The following DEPDC5 variants were observed in gnomAD, a reference collection of about 807,000 sequenced individuals.
DEPDC5 encodes GATOR1 complex protein DEPDC5.
A neutral mutation model predicts 217.3 loss-of-function variants in DEPDC5; 73 were observed. The ratio of observed to expected loss-of-function variants is 0.34; its 90% confidence interval spans 0.28 to 0.41. DEPDC5 has a LOEUF of 0.41. Ranked by LOEUF, DEPDC5 falls within the 10% of genes least tolerant of loss-of-function variation. The pLI is 1.00. For missense variants in DEPDC5, 1,675 were observed against 2,070.1 expected (o/e 0.81, Z 3.70); for synonymous variants, 733 against 756.7 (o/e 0.97, Z 0.51).
At position 31,906,280 on chromosome 22, in the gene DEPDC5, G is replaced by A; in HGVS notation, c.4595G>A (p.Ser1532Asn). The change falls in exon 43 of 43, where the codon AGC (serine) becomes AAC (asparagine). Residue 1532 changes from serine (S) to asparagine (N), a missense_variant. Physicochemically the swap from Ser to Asn is conservative, Grantham distance 46 (BLOSUM62 1). This residue lies in a region of DEPDC5 where 42 missense variants were observed against 27.7 expected (regional missense o/e 1.51). Coordinates refer to ENST00000651528, the MANE Select transcript of DEPDC5 (RefSeq NM_001242896.3). This position sits in a 1 kb window ranked among gnomAD's most constrained non-coding sequence, Gnocchi z 5.1. ...CAGCGGCGGCGGCGGAACTCCACCA[G>A]CTCCACCAACCAGAACATGTTCTGC... ...GQQRRRRNST[S>N]STNQNMFCEE... 2.5e-6 allele frequency: 4 copies of A among 1,613,902 alleles called. No homozygotes were observed. The highest frequency in any genetic ancestry group is 3.4e-6 in the Non-Finnish European group (4 of 1,179,930).
In DEPDC5 at chr22:31,821,639, T is replaced by G. The variant is rs1002365621; in HGVS notation, c.2006+2T>G. The G allele has an allele frequency of 1.9e-6, 3 of 1,612,704 alleles. No individual in the cohort carries two copies. Among genetic ancestry groups the G allele is most frequent in the Admixed American group, 3.3e-5 (2 of 59,942 alleles). ...AGCATATCATGAAGCTGCTGGAAGG[T>G]GAGGATGTGCACAGGGCTCTGGAAG... On this transcript the variant is annotated splice_donor_variant, in intron 23 of 42. Coordinates refer to ENST00000651528, the MANE Select transcript of DEPDC5 (RefSeq NM_001242896.3). LOFTEE classifies it high-confidence loss of function.
chr22:31,815,937 G>A, intron 21 of DEPDC5: 1 of 1,002,386 alleles, frequency 1.0e-6, no homozygotes, highest in Non-Finnish European at 1.2e-6. Flanking sequence ...GGTCAAAAGG[G>A]TTTATTTCCT....
Position 31,810,637 on chromosome 22 carries a change from T to G in DEPDC5, c.1441T>G (p.Cys481Gly). 1 of 1,614,204 alleles carries G rather than the reference T, an allele frequency of 6.2e-7. No homozygotes were observed. The highest frequency in any genetic ancestry group is 8.5e-7 in the Non-Finnish European group (1 of 1,180,034). ...ATCCCGGGCCCAGTGCCTCACCACC[T>G]GCAGGTTTTCTGCCAGATTCACTTG... The part of the protein sequence containing the change: ...GPSRAQCLTT[C>G]RSVRERESHS... The change falls in exon 20 of 43, where the codon TGC (cysteine) becomes GGC (glycine). Residue 481 changes from cysteine (C) to glycine (G), a missense_variant. This residue lies in a region of DEPDC5 where 628 missense variants were observed against 762.1 expected (regional missense o/e 0.82). Coordinates refer to ENST00000651528, the MANE Select transcript of DEPDC5 (RefSeq NM_001242896.3).
chr22:31,828,448 G>A (rs933695567), intron 24 of DEPDC5, among the ~76,000 whole-genome samples: 32 of 85,752 alleles, frequency 3.7e-4, no homozygotes, highest in African/African-American at 1.4e-3. Flanking sequence ...GCAAAACTCC[G>A]TCTCAAAAAA....
intron 6 of DEPDC5, among the ~76,000 whole-genome samples, chr22:31,767,364 C>T (rs1276751841): frequency 2.0e-5 from 3 of 151,732 alleles, no homozygotes; most frequent in East Asian, 3.9e-4. Context: ...GGCGTGATCT[C>T]GGCTCACCAC....
chr22:31,761,777 G>C (rs1004787387), intron 4 of DEPDC5, among the ~76,000 whole-genome samples: 1 of 151,670 alleles, frequency 6.6e-6, no homozygotes, highest in African/African-American at 2.4e-5. Flanking sequence ...CGACCAGCCT[G>C]GGCAAAACGG....
At chr22:31,872,115 G>T (rs1211906123) in intron 34 of DEPDC5, among the ~76,000 whole-genome samples, 1 of 152,182 alleles carries the variant, frequency 6.6e-6, no homozygotes, top group Admixed American at 6.5e-5. Flanking sequence ...AGGAGCTTCT[G>T]GATAAGCCCC....
At chr22:31,768,937 C>A (rs2083070386) in intron 7 of DEPDC5, 74 bp downstream of exon 7, 18 of 1,540,864 alleles carry the variant, frequency 1.2e-5, no homozygotes, top group Non-Finnish European at 1.5e-5. Context: ...GTATGGATGT[C>A]CATATAATAA....
chr22:31,781,172 C>T (rs1601780666), intron 8 of DEPDC5, among the ~76,000 whole-genome samples: 1 of 150,056 alleles, frequency 6.7e-6, no homozygotes, highest in Non-Finnish European at 1.5e-5. Flanking sequence ...ACCAAGATCG[C>T]GCCATTGCAC....
intron 18 of DEPDC5, among the ~76,000 whole-genome samples, chr22:31,807,256 G>A (rs2087659706): frequency 6.6e-6 from 1 of 152,152 alleles, no homozygotes; most frequent in Non-Finnish European, 1.5e-5. Flanking sequence ...GGCATGCGAT[G>A]TAAGGAAATA....
intron 33 of DEPDC5, among the ~76,000 whole-genome samples, chr22:31,865,455 T>C (rs2092663716): frequency 6.6e-6 from 1 of 152,080 alleles, no homozygotes; most frequent in Non-Finnish European, 1.5e-5. Context: ...ATGATTGTGC[T>C]ACTGCACTCC....
Position 31,802,274 on chromosome 22 carries a change from G to T in DEPDC5, c.947-430G>T, listed in dbSNP as rs992089495. On this transcript the variant is annotated intron_variant, in intron 14 of 42. Coordinates refer to ENST00000651528, the MANE Select transcript of DEPDC5 (RefSeq NM_001242896.3). ...CTCCCACATAGCTGGGATTACAGGTGCACATCACCATGCCTGGCTAATTTT... is the reference window on the plus strand; with the variant it reads ...CTCCCACATAGCTGGGATTACAGGTTCACATCACCATGCCTGGCTAATTTT... Among the ~76,000 whole-genome samples the T allele has an allele frequency of 2.6e-5, 4 of 151,842 alleles. No homozygotes were observed. The South Asian group carries it at 8.3e-4, about 32-fold the overall frequency.
At chr22:31,834,308 A>G (rs2090829740) in intron 25 of DEPDC5, 1 of 290,738 alleles carries the variant, frequency 3.4e-6, no homozygotes, top group East Asian at 6.1e-5. Context: ...TTGGAAAGAC[A>G]TAATAGGCTG....
intron 10 of DEPDC5, among the ~76,000 whole-genome samples, chr22:31,788,135 A>G (rs188305909): frequency 6.6e-5 from 10 of 152,230 alleles, no homozygotes; most frequent in Non-Finnish European, 1.5e-5. Flanking sequence ...ACTTGAATCA[A>G]CATTTCTCTA....
intron 7 of DEPDC5, among the ~76,000 whole-genome samples, chr22:31,772,892 C>T (rs2083480996): frequency 6.6e-6 from 1 of 151,972 alleles, no homozygotes; most frequent in African/African-American, 2.4e-5. Context: ...AGTGATTCTC[C>T]TACCTCAGCC....
chr22:31,758,761 T>C, intron 3 of DEPDC5, 128 bp downstream of exon 3: 3 of 935,782 alleles, frequency 3.2e-6, no homozygotes, highest in Non-Finnish European at 5.0e-6. Flanking sequence ...TTCCAGCACT[T>C]TGGGAGGCTG....
rs1234558820 is a variant in DEPDC5, at chr22:31,810,618, G to T, written c.1422G>T (p.Arg474=). 2 of 1,614,132 alleles carry T rather than the reference G, an allele frequency of 1.2e-6. No individual in the cohort carries two copies. Among genetic ancestry groups the T allele is most frequent in the South Asian group, 1.1e-5 (1 of 91,076 alleles). The change falls in exon 20 of 43, where the codon CGG becomes CGT. Residue 474 remains arginine, a synonymous_variant. Coordinates refer to ENST00000651528, the MANE Select transcript of DEPDC5 (RefSeq NM_001242896.3). ...AQVFRLPGPS[R]AQCLTTCRSV... ...TGTTCAGGCTGCCCGGCCCATCCCG[G>T]GCCCAGTGCCTCACCACCTGCAGGT...
intron 26 of DEPDC5, among the ~76,000 whole-genome samples, chr22:31,838,082 T>G (rs149397989): frequency 6.6e-6 from 1 of 152,328 alleles, no homozygotes; most frequent in Non-Finnish European, 1.5e-5. Context: ...TTGATTGATT[T>G]ATTTTTAACT....
In DEPDC5 at chr22:31,837,006, C is replaced by A; in HGVS notation, c.2205C>A (p.Gly735=). The stretch of plus-strand genomic sequence containing the variant: ...TGTCTGCTCCCCCTGTAGTGCCAGG[C>A]TTCTGTTGCACAGTTGGAGTGGACT... ...LTLSAPPVVP[G]FCCTVGVDWK... Residue 735 remains glycine, a synonymous_variant, in exon 26 of 43, where the codon GGC becomes GGA. Coordinates refer to ENST00000651528, the MANE Select transcript of DEPDC5 (RefSeq NM_001242896.3). 1 of 1,614,132 alleles carries A rather than the reference C, an allele frequency of 6.2e-7. No homozygotes were observed. The highest frequency in any genetic ancestry group is 1.3e-5 in the African/African-American group (1 of 75,026).
Sources: gnomAD v4.1 joint callset for allele counts (sites outside exome capture counted in the v4.1 genomes callset) on GRCh38, gnomAD v4.1.1 for gene constraint, gnomAD v4.1.1 regional missense constraint, Gnocchi (gnomAD v3.1) non-coding constraint, MANE v1.5 for transcripts, NCBI Gene and HGNC (gene_info 2026-07-23, HGNC 2026-07-21) for gene names.